Variants in AKAP13 observed in about 807,000 individuals in gnomAD.
AKAP13 encodes the protein A-kinase anchoring protein 13, also known as A-kinase anchor protein 13.
A neutral mutation model predicts 264.5 loss-of-function variants in AKAP13; 80 were observed. The ratio of observed to expected loss-of-function variants is 0.30; its 90% CI spans 0.25 to 0.36. The LOEUF (loss-of-function observed/expected upper bound fraction) is 0.36, where lower values mean the gene tolerates loss of function less well. Ranked by LOEUF, AKAP13 falls within the 10% of genes least tolerant of loss-of-function variation. The pLI is 1.00. For missense variants in AKAP13, 3,712 were observed against 3,435.2 expected (o/e 1.08, Z -2.01); for synonymous variants, 1,380 against 1,250.2 (o/e 1.10, Z -2.19).
chr15:85,564,154 T>G (rs1264903724), intron 5 of AKAP13, among the ~76,000 whole-genome samples: 2 of 152,196 alleles, frequency 1.3e-5, no homozygotes, highest in East Asian at 3.8e-4. Flanking sequence ...CTTCCCTACC[T>G]TTAGTAAGTA....
chr15:85,562,594 T>G (rs1481768846), intron 5 of AKAP13, among the ~76,000 whole-genome samples: 1 of 131,236 alleles, frequency 7.6e-6, no homozygotes, highest in Non-Finnish European at 1.6e-5. Flanking sequence ...TATATATATA[T>G]ATATATATAT....
intron 1 of AKAP13, among the ~76,000 whole-genome samples, chr15:85,469,930 C>T (rs370520479): frequency 1.3e-5 from 2 of 152,142 alleles, no homozygotes; most frequent in East Asian, 1.9e-4. Flanking sequence ...CTCAACCTCT[C>T]GCTACATGGG....
chr15:85,393,914 G>A (rs1448223934), intron 1 of AKAP13, among the ~76,000 whole-genome samples: 2 of 152,140 alleles, frequency 1.3e-5, no homozygotes, highest in Middle Eastern at 3.2e-3. Context: ...TGCTCTTAAA[G>A]TTTTCCTAGA....
intron 25 of AKAP13, 86 bp downstream of exon 25, chr15:85,722,433 A>T (rs185815275): frequency 9.2e-7 from 1 of 1,088,478 alleles, no homozygotes; most frequent in African/African-American, 1.6e-5. Context: ...TGGAAGTGCT[A>T]TTTCATGCTT....
At chr15:85,621,672 A>C (rs1195110574) in intron 8 of AKAP13, among the ~76,000 whole-genome samples, 1 of 152,156 alleles carries the variant, frequency 6.6e-6, no homozygotes, top group Non-Finnish European at 1.5e-5. Context: ...TTGGCCTCAG[A>C]GTTGCTGTTT....
chr15:85,552,206 T>A (rs1024176303), intron 5 of AKAP13, among the ~76,000 whole-genome samples: 5 of 152,232 alleles, frequency 3.3e-5, no homozygotes, highest in Admixed American at 1.3e-4. Context: ...GGAGAACAGT[T>A]TCTCAGCATT....
intron 5 of AKAP13, among the ~76,000 whole-genome samples, chr15:85,548,509 G>GA (rs2077834072): frequency 6.6e-6 from 1 of 152,108 alleles, no homozygotes; most frequent in African/African-American, 2.4e-5. Context: ...GTGTGACTTG[G>GA]AAAATGTCAC....
intron 2 of AKAP13, among the ~76,000 whole-genome samples, chr15:85,490,294 T>G (rs561253557): frequency 3.9e-5 from 6 of 152,206 alleles, no homozygotes; most frequent in African/African-American, 1.2e-4. Context: ...AGAACTTGAG[T>G]GTGAGTGACA....
At chr15:85,396,330 T>C (rs2071109736) in intron 1 of AKAP13, among the ~76,000 whole-genome samples, 4 of 152,150 alleles carry the variant, frequency 2.6e-5, no homozygotes, top group Admixed American at 2.6e-4. Flanking sequence ...AACTTCATCA[T>C]TGGCATATGG....
Position 85,579,242 on chromosome 15 carries a change from G to C in AKAP13, c.1174G>C (p.Gly392Arg), listed in dbSNP as rs201499474. The C allele has an allele frequency of 1.2e-4, 200 of 1,614,102 alleles. No homozygotes were observed. The highest frequency in any genetic ancestry group is 1.6e-4 in the Non-Finnish European group (192 of 1,180,042). The change falls in exon 7 of 37, where the codon GGA (glycine) becomes CGA (arginine). Residue 392 changes from glycine (G) to arginine (R), a missense_variant. Transcript: ENST00000394518. The stretch of plus-strand genomic sequence containing the variant: ...GGAGCCAGCACCTATTGTGGACTCT[G>C]GAACTGTATCTGATCAAGACAGCTG... ...EVEPAPIVDS[G>R]TVSDQDSCLQ... is the part of the protein sequence containing the mutation.
chr15:85,724,876 C>CCA lies in AKAP13; in HGVS notation c.6746-1532_6746-1531dup, dbSNP rs1357787882. ...GATTCAGAGAAAGAAATCTCCTTTC[C>CCA]CACCACCAGCTGGCTGTGTATTTCA... On this transcript the variant is annotated intron_variant, in intron 26 of 36. Transcript: ENST00000394518. The surrounding 1 kb of genome is among the most constrained non-coding windows in gnomAD (Gnocchi z 4.2). Among the ~76,000 whole-genome samples the CCA allele has an allele frequency of 1.3e-5, 2 of 152,032 alleles. No individual in the cohort carries two copies. Among genetic ancestry groups the CCA allele is most frequent in the Non-Finnish European group, 2.9e-5 (2 of 67,998 alleles).
chr15:85,716,619 A>C (rs2086964467), intron 20 of AKAP13, among the ~76,000 whole-genome samples: 1 of 152,232 alleles, frequency 6.6e-6, no homozygotes. Context: ...TAAAGGATGC[A>C]AAAGTCTCCT....
At chr15:85,584,885 T>G (rs1487199414) in intron 7 of AKAP13, among the ~76,000 whole-genome samples, 1 of 152,224 alleles carries the variant, frequency 6.6e-6, no homozygotes, top group African/African-American at 2.4e-5. Context: ...TTTGGATTAT[T>G]AAGGTGAATT....
At chr15:85,505,517 G>T (rs4843063) in intron 2 of AKAP13, among the ~76,000 whole-genome samples, 77,191 of 152,054 alleles carry the variant, frequency 0.51, 20,151 homozygotes, top group Middle Eastern at 0.61. Context: ...TATCTTTATT[G>T]GGCAAAAGAT....
intron 23 of AKAP13, among the ~76,000 whole-genome samples, chr15:85,720,130 A>G (rs1032425935): frequency 6.6e-6 from 1 of 151,924 alleles, no homozygotes. Flanking sequence ...ACCACTCAGG[A>G]GCCCGAGGTG....
rs777351951 is a variant in AKAP13, at chr15:85,713,115, A to T, written c.5599+2470A>T. On this transcript the variant is annotated intron_variant, in intron 19 of 36. Coordinates refer to ENST00000394518, the MANE Select transcript of AKAP13 (RefSeq NM_007200.5). ...TCCTTAAGTGTTAGCTTTCACTGCT[A>T]TGATCATCACAAATAAGGAAACAGC... Among the ~76,000 whole-genome samples, 4 of 152,222 alleles carry T rather than the reference A, an allele frequency of 2.6e-5. 1 individual carries two copies. Among genetic ancestry groups the T allele is most frequent in the South Asian group, 4.1e-4 (2 of 4,830 alleles).
In AKAP13 at chr15:85,578,922, C is replaced by G. The variant is rs1381606872; in HGVS notation, c.862-8C>G. 1 of 1,599,920 alleles carries G rather than the reference C, an allele frequency of 6.3e-7. No homozygotes were observed. The highest frequency in any genetic ancestry group is 1.7e-5 in the Admixed American group (1 of 58,482). On this transcript the variant is annotated splice_polypyrimidine_tract_variant and splice_region_variant and intron_variant, in intron 6 of 36. Transcript: ENST00000394518. ...AGTTTTTTAAAAGTGTATTTCATTTCCTCCTAGAAAACAAACCTCAAGCAG... is the reference window on the plus strand; with the variant it reads ...AGTTTTTTAAAAGTGTATTTCATTTGCTCCTAGAAAACAAACCTCAAGCAG...
At chr15:85,589,819 C>T (rs1227558729) in intron 8 of AKAP13, among the ~76,000 whole-genome samples, 1 of 151,414 alleles carries the variant, frequency 6.6e-6, no homozygotes, top group Admixed American at 6.6e-5. Context: ...AATACTTGTG[C>T]ACCAGTGGAA....
chr15:85,463,353 C>A (rs945009762), intron 1 of AKAP13, among the ~76,000 whole-genome samples: 1 of 152,156 alleles, frequency 6.6e-6, no homozygotes, highest in African/African-American at 2.4e-5. Flanking sequence ...TAAAAGGATG[C>A]TTCTTTCACA....
Sources: allele counts gnomAD v4.1 joint callset (sites outside exome capture counted in the v4.1 genomes callset), GRCh38; gene constraint gnomAD v4.1.1; non-coding constraint Gnocchi (gnomAD v3.1); transcripts MANE v1.5; gene names NCBI Gene and HGNC (gene_info 2026-07-23, HGNC 2026-07-21).